The following ERMP1 variants were observed in gnomAD, a reference collection of about 807,000 sequenced individuals.
The protein encoded by ERMP1 is endoplasmic reticulum metallopeptidase 1.
In ERMP1, 86 loss-of-function variants were observed where a neutral mutation model predicts 92.0. The observed-to-expected ratio is 0.93, with a 90% confidence interval of 0.79 to 1.12. The LOEUF (loss-of-function observed/expected upper bound fraction) is 1.12. ERMP1 is among the 50% of genes most tolerant of loss of function. The probability of loss-of-function intolerance (pLI) is 0.00; values close to 1 mark genes in which losing one functional copy is unlikely to be tolerated. For synonymous variants in ERMP1, 530 were observed against 412.8 expected, an observed-to-expected ratio of 1.28 and a Z score of -3.44; for missense variants, 1,342 against 1,116.3, an observed-to-expected ratio of 1.20 and a Z score of -2.88.
intron 4 of ERMP1, among the ~76,000 whole-genome samples, chr9:5,815,894 G>A (rs972637896): frequency 1.3e-5 from 2 of 151,850 alleles, no homozygotes; most frequent in African/African-American, 2.4e-5. Flanking sequence ...GGGGAAATAC[G>A]TACATTACGA....
At chr9:5,831,523 G>C (rs1485961821) in intron 1 of ERMP1, among the ~76,000 whole-genome samples, 1 of 152,166 alleles carries the variant, frequency 6.6e-6, no homozygotes, top group African/African-American at 2.4e-5. Flanking sequence ...TGGGAGGACT[G>C]CTTGAACCTG....
At chr9:5,821,200 A>G (rs1829522949) in intron 4 of ERMP1, among the ~76,000 whole-genome samples, 1 of 152,250 alleles carries the variant, frequency 6.6e-6, no homozygotes, top group African/African-American at 2.4e-5. Context: ...TATACATTGC[A>G]AAAATTTAAA....
At chr9:5,866,815 C>T (rs1830680070) in intron 5 of ERMP1, among the ~76,000 whole-genome samples, 1 of 152,146 alleles carries the variant, frequency 6.6e-6, no homozygotes. Context: ...TAGTGCTGTG[C>T]TTCCTGTTCC....
At chr9:5,817,282 C>T (rs1340237678) in intron 4 of ERMP1, among the ~76,000 whole-genome samples, 4 of 152,100 alleles carry the variant, frequency 2.6e-5, no homozygotes, top group African/African-American at 4.8e-5. Context: ...CTCTGCCTCC[C>T]GGGTTCAAGC....
chr9:5,811,322 A>G lies in ERMP1; in HGVS notation c.1116T>C (p.Gly372=), dbSNP rs749443925. The change falls in exon 7 of 15, where the codon GGT becomes GGC. Residue 372 remains glycine (G), a splice_region_variant and synonymous_variant. Coordinates refer to ENST00000339450, the MANE Select transcript of ERMP1 (RefSeq NM_024896.3). ...GCTTAAGAACTGCTAAAATGTTGTC[A>G]CCTATTAGTAAAAACAAAAAAAAAA... ...RILTDSIQRA[G]DNILAVLKHL... is the part of the protein sequence containing the mutation. 6 of 1,583,060 alleles carry G rather than the reference A, an allele frequency of 3.8e-6. No individual in the cohort carries two copies. Among genetic ancestry groups the G allele is most frequent in the Non-Finnish European group, 4.3e-6 (5 of 1,169,878 alleles).
intron 6 of ERMP1, among the ~76,000 whole-genome samples, chr9:5,846,231 C>G (rs1360745645): frequency 6.6e-6 from 1 of 152,170 alleles, no homozygotes; most frequent in Non-Finnish European, 1.5e-5. Flanking sequence ...CAGCCTGCAT[C>G]CATGTCACTA....
intron 5 of ERMP1, chr9:5,812,676 T>C (rs1458944146): frequency 6.7e-6 from 4 of 595,788 alleles, no homozygotes; most frequent in Non-Finnish European, 3.0e-6. Flanking sequence ...TGTTCTTCTA[T>C]GGGGAAAGAT....
intron 8 of ERMP1, 99 bp downstream of exon 8, chr9:5,809,912 T>C (rs1829025045): frequency 1.3e-6 from 1 of 783,068 alleles, no homozygotes; most frequent in Non-Finnish European, 2.1e-6. Context: ...TGAACAATTT[T>C]TTAGCACTCA....
rs1462052385 is a variant in ERMP1 at position 5,832,762 on chromosome 9, T to C, written c.266A>G (p.Gln89Arg). 3 of 1,499,206 alleles carry C rather than the reference T, an allele frequency of 2.0e-6. No individual in the cohort carries two copies. The highest frequency in any genetic ancestry group is 2.6e-6 in the Non-Finnish European group (3 of 1,132,632). The allele number at this position is 1,499,206 out of a possible 1,614,324, so 92.9% of individuals were successfully genotyped here. The change falls in exon 1 of 15, where the codon CAG becomes CGG. Residue 89 changes from glutamine (Q) to arginine (R), a missense_variant. Gln to Arg is a conservative substitution (Grantham distance 43). Transcript: ENST00000339450. The stretch of plus-strand genomic sequence containing the variant: ...TAGCACGAGCTGCTGCAGCGAGAGC[T>C]GCACCAGCGTCCGCAGCGCGATCAG... ...LYLIALRTLV[Q>R]LSLQQLVLRG...
chr9:5,862,054 G>C (rs1424934094), intron 5 of ERMP1, among the ~76,000 whole-genome samples: 4 of 151,828 alleles, frequency 2.6e-5, no homozygotes, highest in Non-Finnish European at 5.9e-5. Context: ...TATTGAGACA[G>C]GGTCTCCTTC....
chr9:5,838,312 G>C (rs544665868), intron 6 of ERMP1, among the ~76,000 whole-genome samples: 2 of 152,028 alleles, frequency 1.3e-5, no homozygotes, highest in African/African-American at 2.4e-5. Flanking sequence ...AAGGTCGAGG[G>C]GGGTGAATCA....
chr9:5,798,079 T>G, intron 12 of ERMP1, 147 bp from the exon 13 acceptor site: 1 of 643,160 alleles, frequency 1.6e-6, no homozygotes, highest in South Asian at 1.8e-5. Context: ...TCCAACAAAT[T>G]TAGGTTATTT....
intron 5 of ERMP1, among the ~76,000 whole-genome samples, chr9:5,866,221 T>C (rs534963012): frequency 6.6e-6 from 1 of 152,240 alleles, no homozygotes; most frequent in Non-Finnish European, 1.5e-5. Context: ...TGGGACTATA[T>C]TGTTTGTAGA....
rs1563773385 is a variant in ERMP1, at chr9:5,831,036, T to A, written c.339-8A>T. On this transcript the variant is annotated splice_polypyrimidine_tract_variant and splice_region_variant and intron_variant, in intron 1 of 14. Transcript: ENST00000339450. The stretch of plus-strand genomic sequence containing the variant: ...ATGTGTTCAAGATAATCCCTGGAAG[T>A]AACCAAAAGAATAACAAAGGTTTGT... 6.3e-7 allele frequency: 1 copy of A among 1,597,788 alleles called. No homozygotes were observed. Among genetic ancestry groups the A allele is most frequent in the African/African-American group, 1.3e-5 (1 of 74,228 alleles).
Position 5,784,955 on chromosome 9 carries a change from C to G in ERMP1, c.*2189G>C, listed in dbSNP as rs1233111373. On this transcript the variant is annotated 3_prime_UTR_variant, in exon 15 of 15. Coordinates refer to ENST00000339450, the MANE Select transcript of ERMP1 (RefSeq NM_024896.3). ...CTTTTAGAAATTATTTAAATGATCA[C>G]TCTTTAAAAATTTTTTTTAATCTCA... The G allele has an allele frequency of 2.0e-5, 3 of 152,110 alleles. No homozygotes were observed. The highest frequency in any genetic ancestry group is 7.2e-5 in the African/African-American group (3 of 41,394). The allele number at this position is 152,110 out of a possible 1,614,324, so 9.4% of individuals were successfully genotyped here.
Position 5,833,057 on chromosome 9 carries a change from G to A in ERMP1, c.-30C>T, listed in dbSNP as rs777305970. The A allele has an allele frequency of 1.7e-5, 24 of 1,426,926 alleles. No individual in the cohort carries two copies. Among genetic ancestry groups the A allele is most frequent in the Non-Finnish European group, 2.0e-5 (22 of 1,100,042 alleles). The allele number at this position is 1,426,926 out of a possible 1,614,324, so 88.4% of individuals were successfully genotyped here. On this transcript the variant is annotated 5_prime_UTR_variant, in exon 1 of 15. Coordinates refer to ENST00000339450, the MANE Select transcript of ERMP1 (RefSeq NM_024896.3). ...ACGAGCCTCAGCTGCCAGCCCAACC[G>A]CCCCAACCCGCGACAGCCCCGGCCG...
At chr9:5,831,488 G>C (rs531245986) in intron 1 of ERMP1, among the ~76,000 whole-genome samples, 1 of 152,200 alleles carries the variant, frequency 6.6e-6, no homozygotes, top group South Asian at 2.1e-4. Context: ...TCCGCCTGTA[G>C]TCCCAGCTAC....
chr9:5,837,537 C>G (rs112086718), upstream of ERMP1, among the ~76,000 whole-genome samples: 271 of 152,242 alleles, frequency 1.8e-3, 2 homozygotes, highest in South Asian at 9.3e-3. Context: ...AAATTAAAAA[C>G]TTCTATACAT....
At chr9:5,820,275 A>C (rs1207056317) in intron 4 of ERMP1, among the ~76,000 whole-genome samples, 1 of 152,186 alleles carries the variant, frequency 6.6e-6, no homozygotes, top group Non-Finnish European at 1.5e-5. Context: ...CTCCACTCTA[A>C]GCGACAGAGC....
Sources: gnomAD v4.1 joint callset for allele counts (sites outside exome capture counted in the v4.1 genomes callset) on GRCh38, gnomAD v4.1.1 for gene constraint, MANE v1.5 for transcripts, NCBI Gene and HGNC (gene_info 2026-07-23, HGNC 2026-07-21) for gene names.